KLF12: variants seen among roughly 807,000 people sequenced by gnomAD.
KLF12 encodes KLF transcription factor 12, also known as Krueppel-like factor 12.
In KLF12, 9 loss-of-function variants were observed where a neutral mutation model predicts 37.8. The ratio of observed to expected loss-of-function variants is 0.24; its 90% CI spans 0.14 to 0.42. KLF12 has a LOEUF of 0.42. Ranked by LOEUF, KLF12 falls within the 10% of genes least tolerant of loss-of-function variation. The probability of loss-of-function intolerance (pLI) is 1.00; values close to 1 mark genes in which losing one functional copy is unlikely to be tolerated. For missense variants in KLF12, 411 were observed against 516.0 expected (o/e 0.80, Z 1.97); for synonymous variants, 208 against 202.1 (o/e 1.03, Z -0.25).
At chr13:73,903,010 G>A (rs1466395476) in intron 3 of KLF12, among the ~76,000 whole-genome samples, 2 of 152,180 alleles carry the variant, frequency 1.3e-5, no homozygotes, top group Non-Finnish European at 2.9e-5. Flanking sequence ...GGTTTATTCA[G>A]ATCAGTTCTC....
intron 3 of KLF12, among the ~76,000 whole-genome samples, chr13:73,864,415 T>C (rs1158050430): frequency 6.6e-6 from 1 of 152,024 alleles, no homozygotes; most frequent in Non-Finnish European, 1.5e-5. Context: ...AGCAATATGA[T>C]TGGAAATGGA....
Position 74,079,291 on chromosome 13 carries a change from G to A in KLF12, c.-32+54448C>T, listed in dbSNP as rs572760794. Among the ~76,000 whole-genome samples, 9 of 152,232 alleles carry A rather than the reference G, an allele frequency of 5.9e-5. No homozygotes were observed. The East Asian group carries it at 9.6e-4, about 16-fold the overall frequency. The stretch of plus-strand genomic sequence containing the variant: ...CATTTTGCAAGATGAAAAAAGTTCT[G>A]GACATGTATGGTGCTGATGGTTGCA... On this transcript the variant is annotated intron_variant, in intron 1 of 7. Transcript: ENST00000377669.
At chr13:74,267,611 T>C in the KLF12 span, among the ~76,000 whole-genome samples, 4 of 152,016 alleles carry the variant, frequency 2.6e-5, no homozygotes, top group African/African-American at 9.7e-5. Context: ...GAAGAGAGGT[T>C]GGTTAATGGG....
At chr13:74,222,548 T>C in the KLF12 span, among the ~76,000 whole-genome samples, 1 of 152,238 alleles carries the variant, frequency 6.6e-6, no homozygotes. Context: ...TTATTCCCCT[T>C]ATTTTACCTT....
At chr13:74,000,480 G>A (rs964561674) in intron 1 of KLF12, among the ~76,000 whole-genome samples, 6 of 152,074 alleles carry the variant, frequency 3.9e-5, no homozygotes, top group Admixed American at 3.3e-4. Context: ...TGCATAAGTC[G>A]ACTTAAAATA....
intron 6 of KLF12, among the ~76,000 whole-genome samples, chr13:73,756,702 T>G (rs1406152880): frequency 6.6e-6 from 1 of 152,146 alleles, no homozygotes; most frequent in Admixed American, 6.6e-5. Context: ...ACTTTTCCTT[T>G]GGGAAACTAC....
the KLF12 span, among the ~76,000 whole-genome samples, chr13:74,157,107 A>G: frequency 7.2e-5 from 11 of 152,316 alleles, no homozygotes; most frequent in Admixed American, 2.6e-4. Context: ...GGGACTTTCT[A>G]TATCAACGAA....
intron 2 of KLF12, chr13:73,962,067 G>T (rs1351333616): frequency 2.2e-6 from 1 of 449,778 alleles, no homozygotes; most frequent in African/African-American, 2.0e-5. Flanking sequence ...AGGCTTGGAA[G>T]CAATCAAAAT....
At chr13:74,148,403 CTTTTTTTTTTTTT>C in the KLF12 span, among the ~76,000 whole-genome samples, 1 of 73,484 alleles carries the variant, frequency 1.4e-5, no homozygotes, top group South Asian at 6.5e-4. Flanking sequence ...CAAAACTGCT[CTTTTTTTTTTTTT>C]TTTTTTTTTT....
intron 5 of KLF12, among the ~76,000 whole-genome samples, chr13:73,780,078 G>A (rs911474176): frequency 2.0e-5 from 3 of 152,162 alleles, no homozygotes; most frequent in Admixed American, 2.0e-4. Flanking sequence ...AATAGCAAGA[G>A]AACTAGAGTT....
intron 5 of KLF12, among the ~76,000 whole-genome samples, chr13:73,780,836 T>C (rs757913548): frequency 1.3e-5 from 2 of 152,238 alleles, no homozygotes; most frequent in Non-Finnish European, 2.9e-5. Flanking sequence ...GCTGTTTACA[T>C]TGCTGAAATG....
chr13:73,938,152 T>C (rs994380426), intron 3 of KLF12, among the ~76,000 whole-genome samples: 2 of 152,208 alleles, frequency 1.3e-5, no homozygotes, highest in African/African-American at 2.4e-5. Context: ...TAAAGGGTAA[T>C]GCAAGTGGCA....
intron 1 of KLF12, among the ~76,000 whole-genome samples, chr13:74,103,451 A>G (rs1876475815): frequency 6.6e-6 from 1 of 152,120 alleles, no homozygotes; most frequent in South Asian, 2.1e-4. Flanking sequence ...CCTCAAAGGT[A>G]CTCTAAATCT....
the KLF12 span, among the ~76,000 whole-genome samples, chr13:74,297,538 G>A: frequency 2.6e-3 from 401 of 152,318 alleles, 1 homozygote; most frequent in Non-Finnish European, 2.3e-3. Flanking sequence ...GGAACTGTGG[G>A]CAGCTGTATT....
intron 3 of KLF12, among the ~76,000 whole-genome samples, chr13:73,911,427 C>A (rs1298516023): frequency 6.6e-6 from 1 of 152,180 alleles, no homozygotes. Context: ...CCAAGTCTAA[C>A]ACTATAAATT....
At chr13:73,733,814 CTAACACCTGT>C in intron 6 of KLF12, among the ~76,000 whole-genome samples, 1 of 152,326 alleles carries the variant, frequency 6.6e-6, no homozygotes, top group Admixed American at 6.5e-5. Context: ...TATACCCTCA[CTAACACCTGT>C]TAGTTTCCTC....
Position 74,046,418 on chromosome 13 carries a change from A to G in KLF12, c.-31-51365T>C, listed in dbSNP as rs556201463. 1.8e-3 allele frequency among the ~76,000 whole-genome samples: 271 copies of G among 150,956 alleles called. 3 individuals carry two copies. The highest frequency in any genetic ancestry group is 3.4e-3 in the Middle Eastern group (1 of 292). On this transcript the variant is annotated intron_variant, in intron 1 of 7. Transcript: ENST00000377669. Reference sequence around the variant, plus strand: ...AGTTTGTTAAAAGGCTACACCACTTAAAAATTTAAAATAAATTTAAAAATA... The same window carrying G: ...AGTTTGTTAAAAGGCTACACCACTTGAAAATTTAAAATAAATTTAAAAATA...
chr13:73,727,327 C>T (rs1007983592), intron 6 of KLF12, among the ~76,000 whole-genome samples: 1 of 152,144 alleles, frequency 6.6e-6, no homozygotes, highest in Admixed American at 6.5e-5. Context: ...AGCTTTGACT[C>T]TTACATTTAG....
chr13:74,151,647 C>T, the KLF12 span, among the ~76,000 whole-genome samples: 4 of 142,710 alleles, frequency 2.8e-5, no homozygotes, highest in African/African-American at 1.0e-4. Context: ...AGTGAGACCC[C>T]ATCTCAATAA....
Sources: allele counts gnomAD v4.1 joint callset (sites outside exome capture counted in the v4.1 genomes callset), GRCh38; gene constraint gnomAD v4.1.1; transcripts MANE v1.5; gene names NCBI Gene and HGNC (gene_info 2026-07-23, HGNC 2026-07-21).